GRM7: variants seen among roughly 807,000 people sequenced by gnomAD.
The protein encoded by GRM7 is glutamate metabotropic receptor 7, also known as metabotropic glutamate receptor 7.
Under a neutral mutation model 84.5 loss-of-function variants are expected in GRM7, and 35 were observed. The observed-to-expected ratio is 0.41, with a 90% CI of 0.32 to 0.55. The LOEUF (loss-of-function observed/expected upper bound fraction) is 0.55, where lower values mean the gene tolerates loss of function less well. GRM7 is among the 20% of genes least tolerant of loss of function. The pLI, the probability that GRM7 is intolerant of heterozygous loss-of-function variation, is 0.19. For missense variants in GRM7, 1,003 were observed against 1,194.6 expected (o/e 0.84, Z 2.36); for synonymous variants, 487 against 455.1 (o/e 1.07, Z -0.89).
intron 2 of GRM7, among the ~76,000 whole-genome samples, chr3:7,268,894 G>A (rs1248131761): frequency 6.6e-6 from 1 of 152,178 alleles, no homozygotes; most frequent in Non-Finnish European, 1.5e-5. Flanking sequence ...GAGTCCAGGA[G>A]CTCAGTCCAA....
At position 7,729,737 on chromosome 3, in the gene GRM7, C is replaced by T. The variant is rs937720122; in HGVS notation, c.2699-10620C>T. Among the ~76,000 whole-genome samples, 4 of 152,116 alleles carry T rather than the reference C, an allele frequency of 2.6e-5. No individual in the cohort carries two copies. In the East Asian group the frequency reaches 7.7e-4, roughly 29 times the overall value. On this transcript the variant is annotated intron_variant, in intron 9 of 9. Transcript: ENST00000357716. ...GTTTTTTGTTTTTGAGACGGAGTCTCACTCTGTTGCCAGGCTGGAGTGCAA... is the reference window on the plus strand; with the variant it reads ...GTTTTTTGTTTTTGAGACGGAGTCTTACTCTGTTGCCAGGCTGGAGTGCAA...
intron 2 of GRM7, among the ~76,000 whole-genome samples, chr3:7,279,749 G>A (rs1377267557): frequency 1.3e-5 from 2 of 152,118 alleles, no homozygotes; most frequent in Non-Finnish European, 2.9e-5. Context: ...TGCTCTTCAA[G>A]GACTCATATC....
intron 4 of GRM7, among the ~76,000 whole-genome samples, chr3:7,373,630 A>C (rs1237916723): frequency 6.6e-6 from 1 of 152,232 alleles, no homozygotes; most frequent in Non-Finnish European, 1.5e-5. Flanking sequence ...ATGGGTCTGG[A>C]ATAGCCACTG....
chr3:7,047,665 G>A (rs1322308360), intron 1 of GRM7, among the ~76,000 whole-genome samples: 3 of 152,042 alleles, frequency 2.0e-5, no homozygotes, highest in Admixed American at 1.3e-4. Flanking sequence ...CTGCTGCATT[G>A]AGGAATGTTC....
intron 2 of GRM7, among the ~76,000 whole-genome samples, chr3:7,272,906 C>CT (rs534472237): frequency 3.4e-3 from 510 of 151,794 alleles, no homozygotes; most frequent in African/African-American, 0.012. Context: ...TTAATTGCCT[C>CT]TTTTTTTCTA....
chr3:7,492,318 T>C (rs907978811), intron 7 of GRM7, among the ~76,000 whole-genome samples: 34 of 152,316 alleles, frequency 2.2e-4, no homozygotes, highest in African/African-American at 7.9e-4. Flanking sequence ...AATTTCCCCA[T>C]GAAGCCATCT....
intron 4 of GRM7, among the ~76,000 whole-genome samples, chr3:7,320,583 A>G (rs1374441370): frequency 6.6e-6 from 1 of 151,788 alleles, no homozygotes; most frequent in Non-Finnish European, 1.5e-5. Context: ...AAGAACAGGA[A>G]AAGGCCAGAG....
chr3:7,238,996 C>CT (rs567509392), intron 2 of GRM7, among the ~76,000 whole-genome samples: 56,250 of 118,056 alleles, frequency 0.48, 13,653 homozygotes, highest in Admixed American at 0.58. Context: ...TTTCTTTTTT[C>CT]CTTTTTCTTT....
intron 1 of GRM7, among the ~76,000 whole-genome samples, chr3:6,903,430 A>G (rs552440701): frequency 1.3e-5 from 2 of 152,116 alleles, no homozygotes; most frequent in African/African-American, 2.4e-5. Context: ...ATTTTTCATG[A>G]TATAATTATA....
chr3:7,463,720 T>C (rs904646275), intron 7 of GRM7, among the ~76,000 whole-genome samples: 1 of 152,246 alleles, frequency 6.6e-6, no homozygotes, highest in African/African-American at 2.4e-5. Flanking sequence ...AGATGGCTGA[T>C]GTGATGATGA....
chr3:7,545,932 C>T (rs1559393468), intron 7 of GRM7, among the ~76,000 whole-genome samples: 1 of 152,106 alleles, frequency 6.6e-6, no homozygotes, highest in Non-Finnish European at 1.5e-5. Context: ...TTCTCTGAGC[C>T]TCAATTTCTT....
intron 2 of GRM7, among the ~76,000 whole-genome samples, chr3:7,253,036 A>AG (rs1698062447): frequency 6.6e-6 from 1 of 150,718 alleles, no homozygotes; most frequent in Non-Finnish European, 1.5e-5. Context: ...AAAAAAAAAA[A>AG]AGGAGAGAGT....
intron 1 of GRM7, among the ~76,000 whole-genome samples, chr3:6,908,075 T>C (rs1575000289): frequency 6.6e-6 from 1 of 152,252 alleles, no homozygotes; most frequent in East Asian, 1.9e-4. Context: ...TATCGTTTTG[T>C]TAAAGAAGAC....
At chr3:6,872,303 A>C (rs1332509950) in intron 1 of GRM7, among the ~76,000 whole-genome samples, 2 of 152,190 alleles carry the variant, frequency 1.3e-5, no homozygotes, top group Non-Finnish European at 2.9e-5. Flanking sequence ...CATTGTTTTT[A>C]AATGATTGCC....
intron 8 of GRM7, among the ~76,000 whole-genome samples, chr3:7,672,444 C>T (rs528856555): frequency 6.6e-6 from 1 of 152,278 alleles, no homozygotes; most frequent in African/African-American, 2.4e-5. Flanking sequence ...TACATAGTCA[C>T]TGGGATTTCA....
At chr3:7,632,707 A>G (rs1697910515) in intron 8 of GRM7, among the ~76,000 whole-genome samples, 1 of 152,246 alleles carries the variant, frequency 6.6e-6, no homozygotes, top group African/African-American at 2.4e-5. Flanking sequence ...GTTTTCATCC[A>G]TAACAATAGC....
chr3:6,883,182 T>A (rs563521009), intron 1 of GRM7, among the ~76,000 whole-genome samples: 2 of 152,326 alleles, frequency 1.3e-5, no homozygotes, highest in Admixed American at 1.3e-4. Context: ...CTTATTTTAA[T>A]GTATTTATTG....
chr3:6,920,519 G>T (rs1191651257), intron 1 of GRM7, among the ~76,000 whole-genome samples: 3 of 150,756 alleles, frequency 2.0e-5, no homozygotes, highest in Non-Finnish European at 4.4e-5. Flanking sequence ...TTGTGCCACT[G>T]CACTGCAGCC....
At chr3:7,177,045 AT>A (rs1315581225) in intron 2 of GRM7, among the ~76,000 whole-genome samples, 1 of 152,096 alleles carries the variant, frequency 6.6e-6, no homozygotes, top group Non-Finnish European at 1.5e-5. Flanking sequence ...TAGACTCCAA[AT>A]TTTTCTGAAT....
Sources: gnomAD v4.1 joint callset for allele counts (sites outside exome capture counted in the v4.1 genomes callset) on GRCh38, gnomAD v4.1.1 for gene constraint, MANE v1.5 for transcripts, NCBI Gene and HGNC (gene_info 2026-07-23, HGNC 2026-07-21) for gene names.